Variants in ANO6 observed in about 807,000 individuals in gnomAD.
The protein encoded by ANO6 is anoctamin 6.
Under a neutral mutation model 117.5 loss-of-function variants are expected in ANO6, and 106 were observed. That is an observed-to-expected ratio of 0.90 (90% confidence interval 0.77 to 1.06). ANO6 has a LOEUF of 1.06. Among genes scored for constraint, ANO6 ranks in the 50% least tolerant of loss-of-function variants. ANO6 has a pLI of 0.00. For missense variants in ANO6, 955 were observed against 1,121.1 expected (o/e 0.85, Z 2.12); for synonymous variants, 367 against 385.1 (o/e 0.95, Z 0.55).
chr12:45,298,698 T>A (rs1290327336), intron 1 of ANO6, among the ~76,000 whole-genome samples: 1 of 152,230 alleles, frequency 6.6e-6, no homozygotes, highest in Non-Finnish European at 1.5e-5. Flanking sequence ...TAGTTTCCAT[T>A]ACCAGCAGAC....
intron 1 of ANO6, among the ~76,000 whole-genome samples, chr12:45,283,918 A>C (rs1250156186): frequency 6.6e-6 from 1 of 152,206 alleles, no homozygotes. Flanking sequence ...CCATAAGGAC[A>C]TGGTTTAGGG....
intron 2 of ANO6, among the ~76,000 whole-genome samples, chr12:45,304,201 A>G (rs1939590886): frequency 1.3e-5 from 2 of 152,190 alleles, no homozygotes. Flanking sequence ...ATGGTAAACA[A>G]ACAGAAGGTG....
chr12:45,432,674 T>C (rs17095914), downstream of ANO6, among the ~76,000 whole-genome samples: 11,682 of 152,228 alleles, frequency 0.077, 1,019 homozygotes, highest in African/African-American at 0.21. Context: ...ATATCTGCAA[T>C]AGCACTTATA....
In ANO6 at chr12:45,240,258, A is replaced by G. The variant is rs150633974; in HGVS notation, c.70+23867A>G. 1.2e-4 allele frequency among the ~76,000 whole-genome samples: 17 copies of G among 147,264 alleles called. 1 individual carries two copies. In the East Asian group the frequency reaches 1.9e-3, roughly 16 times the overall value. The stretch of plus-strand genomic sequence containing the variant: ...AGAGTTAGTTCTTCTTGTTGAATTG[A>G]TCCCTTTACCATTATGTAATGGCTT... On this transcript the variant is annotated intron_variant, in intron 1 of 19. Transcript: ENST00000320560.
At chr12:45,294,647 G>A (rs1435291347) in intron 1 of ANO6, among the ~76,000 whole-genome samples, 1 of 152,170 alleles carries the variant, frequency 6.6e-6, no homozygotes, top group Non-Finnish European at 1.5e-5. Context: ...TTACTTGCCA[G>A]TAACAGACTG....
intron 2 of ANO6, among the ~76,000 whole-genome samples, chr12:45,317,012 A>C (rs935849746): frequency 2.0e-5 from 3 of 148,208 alleles, no homozygotes; most frequent in African/African-American, 7.4e-5. Flanking sequence ...ATACACATTA[A>C]TATAAATATG....
intron 12 of ANO6, among the ~76,000 whole-genome samples, chr12:45,392,705 A>C (rs917854953): frequency 6.6e-6 from 1 of 152,206 alleles, no homozygotes; most frequent in Non-Finnish European, 1.5e-5. Flanking sequence ...GGTGATACCC[A>C]GGCAAACAGG....
chr12:45,297,834 A>G (rs1939344818), intron 1 of ANO6, among the ~76,000 whole-genome samples: 1 of 152,146 alleles, frequency 6.6e-6, no homozygotes, highest in Non-Finnish European at 1.5e-5. Context: ...TTCAATGTTT[A>G]CCTATAGTAA....
intron 10 of ANO6, among the ~76,000 whole-genome samples, chr12:45,387,672 A>T (rs1001461026): frequency 1.3e-5 from 2 of 152,110 alleles, no homozygotes; most frequent in African/African-American, 4.8e-5. Flanking sequence ...TATCTCCTAT[A>T]ATTTAGATTT....
chr12:45,410,791 A>T (rs1005977456), intron 16 of ANO6, among the ~76,000 whole-genome samples: 2 of 152,240 alleles, frequency 1.3e-5, no homozygotes, highest in African/African-American at 4.8e-5. Flanking sequence ...ATCACATTCT[A>T]TATATAAAAT....
rs926937983 is a variant in ANO6, at chr12:45,308,625, C to T, written c.150+6532C>T. On this transcript the variant is annotated intron_variant, in intron 2 of 19. Transcript: ENST00000320560. Reference sequence around the variant, plus strand: ...GTGTGTTTTTCCCATTCAAATCCAGCTTGAGGGGAGCAAGTGTAGAATAGG... The same window carrying T: ...GTGTGTTTTTCCCATTCAAATCCAGTTTGAGGGGAGCAAGTGTAGAATAGG... 3.3e-5 allele frequency among the ~76,000 whole-genome samples: 5 copies of T among 152,152 alleles called. No homozygotes were observed. In the East Asian group the frequency reaches 9.7e-4, roughly 30 times the overall value.
intron 9 of ANO6, among the ~76,000 whole-genome samples, chr12:45,370,422 C>G (rs1463772753): frequency 6.6e-6 from 1 of 152,208 alleles, no homozygotes. Flanking sequence ...CCATTTTACC[C>G]TCTAGCACTG....
chr12:45,384,910 G>T (rs1003535666), intron 10 of ANO6, among the ~76,000 whole-genome samples: 100 of 152,132 alleles, frequency 6.6e-4, no homozygotes, highest in Non-Finnish European at 8.8e-5. Context: ...ATAAATCAAG[G>T]TACATCTGTA....
chr12:45,317,754 G>C (rs552736634), intron 2 of ANO6, among the ~76,000 whole-genome samples: 99 of 152,150 alleles, frequency 6.5e-4, no homozygotes, highest in Middle Eastern at 3.4e-3. Context: ...TAAAAGTGTT[G>C]CTATTTCTCC....
At chr12:45,347,977 A>T (rs1941182125) in intron 4 of ANO6, 51 bp from the exon 5 acceptor site, 1 of 1,566,294 alleles carries the variant, frequency 6.4e-7, no homozygotes, top group Non-Finnish European at 8.7e-7. Context: ...GTGTTTTAAA[A>T]TTGTGAAAAG....
intron 12 of ANO6, among the ~76,000 whole-genome samples, chr12:45,399,808 A>C (rs1942735994): frequency 6.6e-6 from 1 of 152,184 alleles, no homozygotes; most frequent in East Asian, 1.9e-4. Flanking sequence ...TGTTCACTAC[A>C]AGGTACTTTC....
chr12:45,396,594 G>C (rs939544637), intron 12 of ANO6, among the ~76,000 whole-genome samples: 5 of 152,148 alleles, frequency 3.3e-5, no homozygotes, highest in Admixed American at 2.0e-4. Flanking sequence ...ATACTACAAG[G>C]CTACAGTAAC....
intron 1 of ANO6, among the ~76,000 whole-genome samples, chr12:45,299,809 G>A (rs1041591167): frequency 2.6e-5 from 4 of 151,914 alleles, no homozygotes; most frequent in South Asian, 2.1e-4. Flanking sequence ...CCCAGATTGC[G>A]CTACTGCACT....
At chr12:45,307,612 C>A (rs182097883) in intron 2 of ANO6, among the ~76,000 whole-genome samples, 3 of 151,984 alleles carry the variant, frequency 2.0e-5, no homozygotes, top group African/African-American at 4.8e-5. Context: ...GCCCAACCCC[C>A]GATGTGAGAG....
Sources: allele counts gnomAD v4.1 joint callset (sites outside exome capture counted in the v4.1 genomes callset), GRCh38; gene constraint gnomAD v4.1.1; transcripts MANE v1.5; gene names NCBI Gene and HGNC (gene_info 2026-07-23, HGNC 2026-07-21).